Variants in CTNNA1 observed in about 807,000 individuals in gnomAD.
CTNNA1 encodes the protein catenin alpha 1.
In CTNNA1, 37 loss-of-function variants were observed where a neutral mutation model predicts 98.4. That is an observed-to-expected ratio of 0.38 (90% CI 0.29 to 0.49). The LOEUF (loss-of-function observed/expected upper bound fraction) is 0.49, where lower values mean the gene tolerates loss of function less well. Among genes scored for constraint, CTNNA1 ranks in the 20% least tolerant of loss-of-function variants. The probability of loss-of-function intolerance (pLI) is 0.95; values close to 1 mark genes in which losing one functional copy is unlikely to be tolerated. For synonymous variants in CTNNA1, 404 were observed against 413.2 expected (o/e 0.98, Z 0.27); for missense variants, 761 against 1,147.2 (o/e 0.66, Z 4.86).
chr5:138,896,288 C>T (rs1180437410), intron 9 of CTNNA1, among the ~76,000 whole-genome samples: 1 of 152,158 alleles, frequency 6.6e-6, no homozygotes, highest in Non-Finnish European at 1.5e-5. Flanking sequence ...TCTCAAACTC[C>T]TGGCCTCAAG....
At chr5:138,860,587 C>T (rs1008418330) in intron 7 of CTNNA1, among the ~76,000 whole-genome samples, 8 of 152,090 alleles carry the variant, frequency 5.3e-5, no homozygotes, top group Non-Finnish European at 4.4e-5. Flanking sequence ...CCTCTGCCGC[C>T]CGGGCTCAGG....
At chr5:138,776,974 C>T (rs1294229936) in intron 1 of CTNNA1, among the ~76,000 whole-genome samples, 15 of 119,710 alleles carry the variant, frequency 1.3e-4, no homozygotes, top group South Asian at 2.8e-4. Flanking sequence ...CCCTCCCGGA[C>T]GGGGCGGCTG....
intron 14 of CTNNA1, among the ~76,000 whole-genome samples, chr5:138,929,630 A>T (rs891845475): frequency 1.3e-5 from 2 of 152,198 alleles, no homozygotes; most frequent in African/African-American, 4.8e-5. Context: ...GATTTAGTCA[A>T]TGCAGTGTTT....
chr5:138,926,233 T>TCCCCATGTGTCACTCAG (rs569346036), intron 13 of CTNNA1, among the ~76,000 whole-genome samples: 106 of 152,310 alleles, frequency 7.0e-4, no homozygotes, highest in Non-Finnish European at 1.4e-3. Flanking sequence ...CAGTTGGTCC[T>TCCCCATGTGTCACTCAG]CCCCATGTGT....
chr5:138,808,244 A>G (rs560447059), intron 3 of CTNNA1, among the ~76,000 whole-genome samples: 1 of 152,268 alleles, frequency 6.6e-6, no homozygotes, highest in East Asian at 1.9e-4. Context: ...TGTCTTAACC[A>G]GTTGTTAATT....
At chr5:138,821,847 A>C (rs1760082063) in intron 5 of CTNNA1, among the ~76,000 whole-genome samples, 1 of 152,180 alleles carries the variant, frequency 6.6e-6, no homozygotes, top group South Asian at 2.1e-4. Context: ...TTAATAGGTC[A>C]CTTTCCTCAG....
chr5:138,916,257 G>T lies in CTNNA1; in HGVS notation c.1390-1485G>T, dbSNP rs942046230. ...GATATGGATGGGGTTTCTTTTTGGA[G>T]TGATGAAAATGTTCTAAAACTGAAT... On this transcript the variant is annotated intron_variant, in intron 10 of 17. Coordinates refer to ENST00000302763, the MANE Select transcript of CTNNA1 (RefSeq NM_001903.5). Among the ~76,000 whole-genome samples, 10 of 151,542 alleles carry T rather than the reference G, an allele frequency of 6.6e-5. No individual in the cohort carries two copies. In the East Asian group the frequency reaches 1.9e-3, roughly 29 times the overall value.
At chr5:138,916,779 A>ATTT (rs35034209) in intron 10 of CTNNA1, among the ~76,000 whole-genome samples, 6 of 147,398 alleles carry the variant, frequency 4.1e-5, no homozygotes, top group African/African-American at 1.5e-4. Context: ...TATTTTATTT[A>ATTT]TTTTTTTTTT....
rs150599609 is a variant in CTNNA1, at chr5:138,820,531, CT to C, written c.589-3997del. On this transcript the variant is annotated intron_variant, in intron 5 of 17. Coordinates refer to ENST00000302763, the MANE Select transcript of CTNNA1 (RefSeq NM_001903.5). ...GATGGGGGTTGCTGAAATCCTCTTGCTTACCTCCTCGAAGTAGGGAGGTTTG... is the reference window on the plus strand; with the variant it reads ...GATGGGGGTTGCTGAAATCCTCTTGCTACCTCCTCGAAGTAGGGAGGTTTG... Among the ~76,000 whole-genome samples the C allele has an allele frequency of 6.4e-3, 975 of 152,166 alleles. 8 individuals carry two copies. Among genetic ancestry groups the C allele is most frequent in the African/African-American group, 0.02 (850 of 41,500 alleles).
intron 7 of CTNNA1, among the ~76,000 whole-genome samples, chr5:138,841,447 A>G (rs908908052): frequency 6.6e-6 from 1 of 152,002 alleles, no homozygotes; most frequent in Non-Finnish European, 1.5e-5. Context: ...TTTAGTAGAG[A>G]TGGGGTTTCA....
At chr5:138,822,006 C>G (rs911823866) in intron 5 of CTNNA1, among the ~76,000 whole-genome samples, 3 of 152,000 alleles carry the variant, frequency 2.0e-5, no homozygotes, top group Non-Finnish European at 4.4e-5. Flanking sequence ...AAGAGCAGTT[C>G]TAAAGAGAGA....
At chr5:138,896,987 C>A (rs562110833) in intron 9 of CTNNA1, among the ~76,000 whole-genome samples, 92 of 152,208 alleles carry the variant, frequency 6.0e-4, no homozygotes, top group African/African-American at 2.1e-3. Flanking sequence ...CTTCTGAGTA[C>A]ATTTTCAATT....
chr5:138,928,675 T>C (rs1263421833), intron 13 of CTNNA1, among the ~76,000 whole-genome samples: 1 of 152,222 alleles, frequency 6.6e-6, no homozygotes, highest in Non-Finnish European at 1.5e-5. Flanking sequence ...GGCTCACGCC[T>C]GTAATCTCAG....
intron 7 of CTNNA1, among the ~76,000 whole-genome samples, chr5:138,848,859 G>T (rs562771024): frequency 2.3e-4 from 35 of 152,214 alleles, no homozygotes; most frequent in African/African-American, 7.9e-4. Context: ...GAGTAGCTGG[G>T]ATTACAGGTA....
intron 12 of CTNNA1, 94 bp from the exon 13 acceptor site, chr5:138,925,162 T>G (rs953167175): frequency 5.8e-6 from 8 of 1,385,096 alleles, no homozygotes; most frequent in Admixed American, 2.1e-5. Context: ...ATCATAAGCC[T>G]CACCTCTTTC....
At chr5:138,792,552 G>T (rs905258702) in intron 3 of CTNNA1, among the ~76,000 whole-genome samples, 2 of 152,176 alleles carry the variant, frequency 1.3e-5, no homozygotes, top group Non-Finnish European at 2.9e-5. Context: ...GGGTTTGCTG[G>T]GTTCATGATG....
In CTNNA1 at chr5:138,810,182, A is replaced by C. The variant is rs1015730449; in HGVS notation, c.446A>C (p.Lys149Thr). 7.4e-6 allele frequency: 12 copies of C among 1,613,938 alleles called. No homozygotes were observed. Among genetic ancestry groups the C allele is most frequent in the Non-Finnish European group, 9.3e-6 (11 of 1,179,932 alleles). ...TTGGCTGACATGGCAGATGTCTACA[A>C]ATTACTTGTTCAGCTGAAAGTTGTA... The part of the protein sequence containing the change: ...LILADMADVY[K>T]LLVQLKVVED... Residue 149 changes from lysine to threonine, a missense_variant, in exon 4 of 18, where the codon AAA becomes ACA. Physicochemically the swap from Lys to Thr is moderately conservative, Grantham distance 78 (BLOSUM62 -1). Around this residue, in one of 6 missense-constraint regions of CTNNA1, gnomAD observed 328 missense variants for 354.3 expected, o/e 0.93. Transcript: ENST00000302763.
chr5:138,802,407 C>T (rs1159757365), intron 3 of CTNNA1, among the ~76,000 whole-genome samples: 1 of 152,106 alleles, frequency 6.6e-6, no homozygotes, highest in Non-Finnish European at 1.5e-5. Flanking sequence ...CTCCTGGGCT[C>T]AATCGATTCT....
chr5:138,774,336 A>G (rs974097301), intron 1 of CTNNA1, among the ~76,000 whole-genome samples: 27 of 151,594 alleles, frequency 1.8e-4, no homozygotes, highest in African/African-American at 6.5e-4. Context: ...TTTTTCTAAT[A>G]TTAAATAATT....
Sources: allele counts gnomAD v4.1 joint callset (sites outside exome capture counted in the v4.1 genomes callset), GRCh38; gene constraint gnomAD v4.1.1; regional missense constraint gnomAD v4.1.1; transcripts MANE v1.5; gene names NCBI Gene and HGNC (gene_info 2026-07-23, HGNC 2026-07-21).